The following MARK1 variants were observed in gnomAD, a reference collection of about 807,000 sequenced individuals.
MARK1 encodes serine/threonine-protein kinase MARK1.
MARK1 carries 40 observed loss-of-function variants against 96.3 expected under a neutral mutation model. The ratio of observed to expected loss-of-function variants is 0.42; its 90% CI spans 0.32 to 0.54. The LOEUF (loss-of-function observed/expected upper bound fraction) is 0.54, where lower values mean the gene tolerates loss of function less well. Among genes scored for constraint, MARK1 ranks in the 20% least tolerant of loss-of-function variants. The pLI is 0.16. For synonymous variants in MARK1, 317 were observed against 341.2 expected (o/e 0.93, Z 0.78); for missense variants, 719 against 984.6 (o/e 0.73, Z 3.61).
rs1219337931 is a variant in MARK1 at position 220,654,619 on chromosome 1, C to G, written c.1988+1267C>G. Among the ~76,000 whole-genome samples the G allele has an allele frequency of 1.3e-5, 2 of 152,182 alleles. No individual in the cohort carries two copies. Among genetic ancestry groups the G allele is most frequent in the Non-Finnish European group, 2.9e-5 (2 of 68,038 alleles). ...AACAGAGTCAGCATGGAAGTTAGAT[C>G]ATAGTGTTAGCCGGCCATCTGCAGG... On this transcript the variant is annotated intron_variant, in intron 16 of 17. Transcript: ENST00000366917. The surrounding 1 kb of genome is among the most constrained non-coding windows in gnomAD (Gnocchi z 4.0).
intron 6 of MARK1, among the ~76,000 whole-genome samples, chr1:220,607,136 G>A (rs937966479): frequency 6.6e-6 from 1 of 152,102 alleles, no homozygotes; most frequent in Non-Finnish European, 1.5e-5. Flanking sequence ...TCACAATATT[G>A]ATTCTTCCTA....
At chr1:220,629,614 CT>C (rs1558309599) in intron 9 of MARK1, among the ~76,000 whole-genome samples, 1 of 152,106 alleles carries the variant, frequency 6.6e-6, no homozygotes, top group African/African-American at 2.4e-5. Flanking sequence ...CCATTTCCCC[CT>C]CATCAGCCCC....
chr1:220,548,630 T>C (rs1220724584), intron 1 of MARK1, among the ~76,000 whole-genome samples: 2 of 152,058 alleles, frequency 1.3e-5, no homozygotes, highest in African/African-American at 4.8e-5. Flanking sequence ...TCCCAGCTAC[T>C]TGGGAGGCTG....
intron 15 of MARK1, 30 bp downstream of exon 15, chr1:220,652,180 C>T (rs984605872): frequency 5.8e-6 from 9 of 1,556,370 alleles, no homozygotes; most frequent in Admixed American, 3.4e-5. Flanking sequence ...TCATTTTGTT[C>T]ATTAAGAGTT....
intron 6 of MARK1, among the ~76,000 whole-genome samples, chr1:220,611,594 A>T (rs1666447670): frequency 6.6e-6 from 1 of 152,154 alleles, no homozygotes; most frequent in African/African-American, 2.4e-5. Flanking sequence ...AGTGAGATGA[A>T]CCAGGTACCT....
chr1:220,632,149 G>T, intron 10 of MARK1, 52 bp from the exon 11 acceptor site: 1 of 874,102 alleles, frequency 1.1e-6, no homozygotes, highest in Non-Finnish European at 1.7e-6. Context: ...TTGTTGATTT[G>T]TTTACGAAAA....
intron 3 of MARK1, among the ~76,000 whole-genome samples, chr1:220,588,041 G>C (rs1415687589): frequency 6.6e-6 from 1 of 152,024 alleles, no homozygotes; most frequent in Non-Finnish European, 1.5e-5. Flanking sequence ...CCACATTCTT[G>C]CCAACACTTT....
At chr1:220,656,576 A>G (rs1349024312) in intron 16 of MARK1, among the ~76,000 whole-genome samples, 4 of 152,212 alleles carry the variant, frequency 2.6e-5, no homozygotes, top group East Asian at 1.9e-4. Flanking sequence ...CAGTTCATCT[A>G]CATGTAACTG....
At chr1:220,601,330 T>C (rs1665737283) in intron 5 of MARK1, among the ~76,000 whole-genome samples, 1 of 150,228 alleles carries the variant, frequency 6.7e-6, no homozygotes, top group Admixed American at 6.6e-5. Flanking sequence ...TTTTGTCACC[T>C]GAAAAAAATA....
intron 1 of MARK1, among the ~76,000 whole-genome samples, chr1:220,532,306 C>T (rs1019714595): frequency 3.9e-5 from 6 of 152,118 alleles, no homozygotes; most frequent in Admixed American, 1.3e-4. Flanking sequence ...CATGAAGAAG[C>T]GAGAGGAAAG....
At chr1:220,545,566 A>G (rs1224175228) in intron 1 of MARK1, among the ~76,000 whole-genome samples, 1 of 148,904 alleles carries the variant, frequency 6.7e-6, no homozygotes, top group African/African-American at 2.5e-5. Context: ...CCTCCTGAGT[A>G]GCTGGGACTA....
rs67564055 is a variant in MARK1, at chr1:220,616,013, ATT to A, written c.552+24_552+25del. The A allele has an allele frequency of 1.3e-3, 1,352 of 1,027,666 alleles. 1 individual carries two copies. Among genetic ancestry groups the A allele is most frequent in the East Asian group, 0.01 (383 of 37,184 alleles). 63.7% of individuals were successfully genotyped at this position (1,027,666 alleles called of 1,614,324 possible). A position where few individuals can be genotyped will look rare whatever the true frequency, so the allele number is the denominator to read the frequency against. On this transcript the variant is annotated intron_variant, in intron 7 of 17. Coordinates refer to ENST00000366917, the MANE Select transcript of MARK1 (RefSeq NM_018650.5). ...ATCTTAAGGTAAGCTTCTGAGTGTAATTTTTTTAAAAAAAAAATCGTTATTAT... is the reference window on the plus strand; with the variant it reads ...ATCTTAAGGTAAGCTTCTGAGTGTAATTTTTAAAAAAAAAATCGTTATTAT...
chr1:220,624,130 T>C (rs1326175060), intron 9 of MARK1, among the ~76,000 whole-genome samples: 1 of 151,660 alleles, frequency 6.6e-6, no homozygotes, highest in Non-Finnish European at 1.5e-5. Context: ...AAACCCCGTC[T>C]CTACTAAAAA....
At chr1:220,588,565 C>T in intron 3 of MARK1, among the ~76,000 whole-genome samples, 1 of 152,052 alleles carries the variant, frequency 6.6e-6, no homozygotes, top group East Asian at 1.9e-4. Flanking sequence ...CATAGGAAGA[C>T]CTTAAGAAGT....
intron 1 of MARK1, among the ~76,000 whole-genome samples, chr1:220,573,389 T>A (rs1208939966): frequency 6.6e-6 from 1 of 152,146 alleles, no homozygotes. Context: ...AGTGGCATGA[T>A]CTTGGCTCAC....
In MARK1 at chr1:220,535,542, C is replaced by T. The variant is rs924080213; in HGVS notation, c.51+6669C>T. On this transcript the variant is annotated intron_variant, in intron 1 of 17. Transcript: ENST00000366917. ...ATTTAGTCCTGATTGTCTATTTTTG[C>T]TTTTGTTGGCTGTGCTTTTGATATC... 3.3e-5 allele frequency among the ~76,000 whole-genome samples: 5 copies of T among 151,984 alleles called. No individual in the cohort carries two copies. In the East Asian group the frequency reaches 9.6e-4, roughly 29 times the overall value.
chr1:220,617,538 G>A (rs1666823071), intron 7 of MARK1, among the ~76,000 whole-genome samples: 1 of 152,086 alleles, frequency 6.6e-6, no homozygotes, highest in Admixed American at 6.6e-5. Flanking sequence ...AATAAAACAT[G>A]TACAAAAGCA....
At chr1:220,586,011 A>ACACACACACACGCACGCG (rs112968910) in intron 3 of MARK1, among the ~76,000 whole-genome samples, 2,010 of 148,620 alleles carry the variant, frequency 0.014, 21 homozygotes, top group South Asian at 0.023. Flanking sequence ...ACACACACAC[A>ACACACACACACGCACGCG]CGCGCGCGTG....
chr1:220,570,700 C>G (rs1370523971), intron 1 of MARK1, among the ~76,000 whole-genome samples: 1 of 152,058 alleles, frequency 6.6e-6, no homozygotes, highest in African/African-American at 2.4e-5. Context: ...CCTTGGATCT[C>G]TATTAATACA....
Sources: allele counts gnomAD v4.1 joint callset (sites outside exome capture counted in the v4.1 genomes callset), GRCh38; gene constraint gnomAD v4.1.1; non-coding constraint Gnocchi (gnomAD v3.1); transcripts MANE v1.5; gene names NCBI Gene and HGNC (gene_info 2026-07-23, HGNC 2026-07-21).